Variants in ADCY5 observed in about 807,000 individuals in gnomAD.
The protein encoded by ADCY5 is adenylate cyclase type 5.
A neutral mutation model predicts 119.7 loss-of-function variants in ADCY5; 30 were observed. That is an observed-to-expected ratio of 0.25 (90% CI 0.19 to 0.34). The LOEUF is 0.34. ADCY5 is among the 10% of genes least tolerant of loss of function. The pLI is 1.00. For missense variants in ADCY5, 1,324 were observed against 1,775.2 expected, an observed-to-expected ratio of 0.75 and a Z score of 4.57; for synonymous variants, 753 against 762.2, an observed-to-expected ratio of 0.99 and a Z score of 0.20.
chr3:123,367,839 C>T, intron 1 of ADCY5: 1 of 1,519,776 alleles, frequency 6.6e-7, no homozygotes, highest in South Asian at 1.2e-5. Flanking sequence ...TTTAGGTCAG[C>T]AGAATCCAGA....
chr3:123,326,238 A>G (rs1941476772), intron 7 of ADCY5, among the ~76,000 whole-genome samples: 1 of 152,240 alleles, frequency 6.6e-6, no homozygotes, highest in Non-Finnish European at 1.5e-5. Context: ...CAGGCATTGT[A>G]CAAATACACA....
rs1938549737 is a variant in ADCY5 at position 123,283,879 on chromosome 3, C to T, written c.*729G>A. On this transcript the variant is annotated 3_prime_UTR_variant, in exon 21 of 21. Transcript: ENST00000462833. ...CCGCCCTCCCCCCGAGTGGCGTCCT[C>T]GTTTGCTTGTGTGTCTCTTACACGC... 2.0e-5 allele frequency: 3 copies of T among 152,242 alleles called. No individual in the cohort carries two copies. The highest frequency in any genetic ancestry group is 6.5e-5 in the Admixed American group (1 of 15,288). 9.4% of individuals were successfully genotyped at this position (152,242 alleles called of 1,614,324 possible).
intron 1 of ADCY5, among the ~76,000 whole-genome samples, chr3:123,431,190 A>G (rs1333691038): frequency 6.6e-6 from 1 of 152,258 alleles, no homozygotes; most frequent in Non-Finnish European, 1.5e-5. Context: ...TTGAGCATCT[A>G]CTACAGACAC....
At chr3:123,364,687 A>G (rs1257773336) in intron 1 of ADCY5, among the ~76,000 whole-genome samples, 1 of 152,194 alleles carries the variant, frequency 6.6e-6, no homozygotes, top group African/African-American at 2.4e-5. Context: ...AAACCTCTTG[A>G]TGGCCGCATT....
intron 1 of ADCY5, among the ~76,000 whole-genome samples, chr3:123,421,326 A>G (rs774163897): frequency 6.6e-6 from 1 of 152,244 alleles, no homozygotes; most frequent in Non-Finnish European, 1.5e-5. Context: ...CTGAGAAAGC[A>G]GAGACCCAGA....
chr3:123,435,689 G>A (rs77987312), intron 1 of ADCY5, among the ~76,000 whole-genome samples: 1,816 of 151,922 alleles, frequency 0.012, 15 homozygotes, highest in Non-Finnish European at 0.019. Context: ...ATGAAAAAGG[G>A]CACAGAAAGC....
chr3:123,422,982 G>A (rs1485658927), intron 1 of ADCY5, among the ~76,000 whole-genome samples: 3 of 152,194 alleles, frequency 2.0e-5, no homozygotes, highest in Non-Finnish European at 4.4e-5. Context: ...TCCTGGGAAG[G>A]AGCATCAGGG....
Position 123,327,599 on chromosome 3 carries a change from C to CG in ADCY5, c.1947+18dup. 6.2e-7 allele frequency: 1 copy of CG among 1,608,694 alleles called. No individual in the cohort carries two copies. Among genetic ancestry groups the CG allele is most frequent in the Non-Finnish European group, 8.5e-7 (1 of 1,176,930 alleles). On this transcript the variant is annotated intron_variant, in intron 7 of 20. Transcript: ENST00000462833. ...GGAGGAAGGGAGCCCCTCAGCCCCC[C>CG]GGCCCCCAGCCCACAGACCCGCTTC...
In ADCY5 at chr3:123,371,192, G is replaced by A. The variant is rs557076656; in HGVS notation, c.1135-18611C>T. ...AAAACGTGGGATCTGGTTAGGACCT[G>A]GTATCAAAGCTCCAAGTTCACATCC... On this transcript the variant is annotated intron_variant, in intron 1 of 20. Coordinates refer to ENST00000462833, the MANE Select transcript of ADCY5 (RefSeq NM_183357.3). Among the ~76,000 whole-genome samples the A allele has an allele frequency of 3.2e-3, 483 of 152,292 alleles. 1 individual carries two copies. The highest frequency in any genetic ancestry group is 0.011 in the African/African-American group (453 of 41,558).
rs751586992 is a variant in ADCY5, at chr3:123,284,653, G to T, written c.3741C>A (p.Gly1247=). The T allele has an allele frequency of 1.2e-6, 2 of 1,614,238 alleles. No homozygotes were observed. The highest frequency in any genetic ancestry group is 1.7e-6 in the Non-Finnish European group (2 of 1,180,032). Residue 1247 remains glycine (G), a synonymous_variant, in exon 21 of 21, where the codon GGC becomes GGA. Coordinates refer to ENST00000462833, the MANE Select transcript of ADCY5 (RefSeq NM_183357.3). ...CRGVVKVKGK[G]EMMTYFLNGG... ...CATTGAGGAAGTAGGTCATCATCTC[G>T]CCTTTGCCCTTGACCTTGACCACGC... is the stretch of plus-strand genomic sequence containing the variant.
At chr3:123,408,348 T>TTG (rs1483951979) in intron 1 of ADCY5, among the ~76,000 whole-genome samples, 1 of 151,026 alleles carries the variant, frequency 6.6e-6, no homozygotes, top group African/African-American at 2.4e-5. Context: ...GTTTTTTGTT[T>TTG]TTTTTTTTTT....
chr3:123,327,401 G>A (rs1381829525), intron 7 of ADCY5, among the ~76,000 whole-genome samples: 1 of 152,210 alleles, frequency 6.6e-6, no homozygotes, highest in Non-Finnish European at 1.5e-5. Flanking sequence ...TTTGAGGCCT[G>A]TTGCATTTTT....
chr3:123,429,191 G>C (rs1945470406), intron 1 of ADCY5, among the ~76,000 whole-genome samples: 1 of 152,184 alleles, frequency 6.6e-6, no homozygotes, highest in Non-Finnish European at 1.5e-5. Context: ...ATTTCCATCA[G>C]ACCGAACATT....
Position 123,447,656 on chromosome 3 carries a change from T to C in ADCY5, c.890A>G (p.His297Arg). 1 of 1,607,474 alleles carries C rather than the reference T, an allele frequency of 6.2e-7. No homozygotes were observed. Among genetic ancestry groups the C allele is most frequent in the Non-Finnish European group, 8.5e-7 (1 of 1,176,880 alleles). Residue 297 changes from histidine (H) to arginine (R), a missense_variant, in exon 1 of 21, where the codon CAC (histidine) becomes CGC (arginine). Physicochemically the swap from His to Arg is conservative, Grantham distance 29 (BLOSUM62 0). This residue lies in a region of ADCY5 where 585 missense variants were observed against 569.9 expected (regional missense o/e 1.03). Transcript: ENST00000462833. ...GAGCGCATAGCAGGCCAGGCCCATG[T>C]GGTCCTGGTGGAAGGCGGCGCGGTT... ...LCNRAAFHQD[H>R]MGLACYALIA... is the part of the protein sequence containing the mutation.
intron 1 of ADCY5, among the ~76,000 whole-genome samples, chr3:123,399,472 T>C (rs1195468420): frequency 6.6e-6 from 1 of 152,246 alleles, no homozygotes; most frequent in Non-Finnish European, 1.5e-5. Context: ...TAGTTCTTAC[T>C]TTCTTTTCCC....
chr3:123,441,841 G>A (rs1417327106), intron 1 of ADCY5, among the ~76,000 whole-genome samples: 1 of 152,044 alleles, frequency 6.6e-6, no homozygotes, highest in African/African-American at 2.4e-5. Flanking sequence ...AAGATCCTGT[G>A]GGCCTTTTCT....
chr3:123,402,674 C>T (rs1374282347), intron 1 of ADCY5, among the ~76,000 whole-genome samples: 1 of 151,742 alleles, frequency 6.6e-6, no homozygotes, highest in Non-Finnish European at 1.5e-5. Context: ...CACGGTGAAA[C>T]CCCGTCTCTA....
In ADCY5 at chr3:123,314,248, T is replaced by C. The variant is rs1174967112; in HGVS notation, c.2429A>G (p.Tyr810Cys). 6.2e-7 allele frequency: 1 copy of C among 1,611,610 alleles called. No individual in the cohort carries two copies. ...AGCTACACTCACCTTTACGCAGGAGTAGATCACAGACACAAACACCACCAA... is the reference window on the plus strand; with the variant it reads ...AGCTACACTCACCTTTACGCAGGAGCAGATCACAGACACAAACACCACCAA... ...LTLVVFVSVI[Y>C]SCVKLFPSPL... is the part of the protein sequence containing the mutation. Residue 810 changes from tyrosine (Y) to cysteine (C), a missense_variant, in exon 12 of 21, where the codon TAC becomes TGC. Tyr to Cys is a radical substitution (Grantham distance 194). Around this residue, in one of 6 missense-constraint regions of ADCY5, gnomAD observed 424 missense variants for 546.8 expected, o/e 0.78. Transcript: ENST00000462833.
At position 123,439,076 on chromosome 3, in the gene ADCY5, C is replaced by CTTTTTTTTTTTTTTTTTTTTTTTTTT. The variant is rs57503913; in HGVS notation, c.1134+8335_1134+8336insAAAAAAAAAAAAAAAAAAAAAAAAAA. Among the ~76,000 whole-genome samples the CTTTTTTTTTTTTTTTTTTTTTTTTTT allele has an allele frequency of 1.4e-4, 9 of 64,734 alleles. 3 individuals are homozygous for CTTTTTTTTTTTTTTTTTTTTTTTTTT. The highest frequency in any genetic ancestry group is 2.6e-4 in the African/African-American group (4 of 15,426). The allele number at this position is 64,734 out of a possible 152,430, so 42.5% of individuals were successfully genotyped here. A position where few individuals can be genotyped will look rare whatever the true frequency, so the allele number is the denominator to read the frequency against. ...CCCACTGTGCCCAGACCCTAAAGTG[C>CTTTTTTTTTTTTTTTTTTTTTTTTTT]TTTTTTTTTTGAGATGGAGTCTCGC... is the stretch of plus-strand genomic sequence containing the variant. On this transcript the variant is annotated intron_variant, in intron 1 of 20. Coordinates refer to ENST00000462833, the MANE Select transcript of ADCY5 (RefSeq NM_183357.3).
Sources: allele counts gnomAD v4.1 joint callset (sites outside exome capture counted in the v4.1 genomes callset), GRCh38; gene constraint gnomAD v4.1.1; regional missense constraint gnomAD v4.1.1; transcripts MANE v1.5; gene names NCBI Gene and HGNC (gene_info 2026-07-23, HGNC 2026-07-21).